PIK3R3: variants seen among roughly 807,000 people sequenced by gnomAD.
The protein encoded by PIK3R3 is phosphatidylinositol 3-kinase regulatory subunit gamma.
PIK3R3 carries 64 observed loss-of-function variants against 62.9 expected under a neutral mutation model. The observed-to-expected ratio is 1.02, with a 90% CI of 0.83 to 1.25. PIK3R3 has a LOEUF of 1.25. Ranked by LOEUF, PIK3R3 falls within the 50% of genes most tolerant of loss-of-function variation. The probability of loss-of-function intolerance (pLI) is 0.00; values close to 1 mark genes in which losing one functional copy is unlikely to be tolerated. For synonymous variants in PIK3R3, 165 were observed against 189.0 expected (o/e 0.87, Z 1.04); for missense variants, 614 against 561.6 (o/e 1.09, Z -0.94).
Position 46,042,342 on chromosome 1 carries a change from CA to C in PIK3R3, c.*1330del. ...TTAATGGCAGGATCACAAAAAAAGG[CA>C]AAGAGAAAAGCTTCCAGATGGCTTC... On this transcript the variant is annotated 3_prime_UTR_variant, in exon 10 of 10. Coordinates refer to ENST00000262741, the MANE Select transcript of PIK3R3 (RefSeq NM_003629.4). This position sits in a 1 kb window ranked among gnomAD's most constrained non-coding sequence, Gnocchi z 4.3. 1 of 228,066 alleles carries C rather than the reference CA, an allele frequency of 4.4e-6. No individual in the cohort carries two copies. Among genetic ancestry groups the C allele is most frequent in the Non-Finnish European group, 8.7e-6 (1 of 114,816 alleles). The allele number at this position is 228,066 out of a possible 1,614,324, so 14.1% of individuals were successfully genotyped here.
At chr1:46,046,752 C>T (rs1647127744) in intron 7 of PIK3R3, 127 bp from the exon 8 acceptor site, 1 of 624,290 alleles carries the variant, frequency 1.6e-6, no homozygotes, top group Non-Finnish European at 2.8e-6. Flanking sequence ...ACAGAATGGG[C>T]AAAGATTTCC....
intron 3 of PIK3R3, among the ~76,000 whole-genome samples, chr1:46,071,757 A>AGG (rs1649552614): frequency 1.6e-5 from 2 of 128,262 alleles, no homozygotes; most frequent in South Asian, 5.1e-4. Flanking sequence ...AGAGAGAGAG[A>AGG]GAGCGCGCGC....
At chr1:46,097,022 C>G (rs1557605843) in intron 1 of PIK3R3, among the ~76,000 whole-genome samples, 1 of 150,924 alleles carries the variant, frequency 6.6e-6, no homozygotes, top group Non-Finnish European at 1.5e-5. Flanking sequence ...AACTACAGGC[C>G]AATATCCTTT....
the PIK3R3 span, among the ~76,000 whole-genome samples, chr1:46,158,825 C>T: frequency 2.0e-5 from 3 of 152,170 alleles, no homozygotes; most frequent in Admixed American, 6.5e-5. Context: ...CAGTGGCTAA[C>T]GCCTGTAATC....
chr1:46,106,929 C>G (rs1653263465), intron 1 of PIK3R3, among the ~76,000 whole-genome samples: 1 of 152,116 alleles, frequency 6.6e-6, no homozygotes, highest in Non-Finnish European at 1.5e-5. Flanking sequence ...GCACGTGCAA[C>G]CACGCCTGGC....
At chr1:46,088,253 A>G (rs1651279307) in intron 1 of PIK3R3, among the ~76,000 whole-genome samples, 1 of 152,132 alleles carries the variant, frequency 6.6e-6, no homozygotes, top group African/African-American at 2.4e-5. Context: ...AAAGAAACAG[A>G]TAAAATGGTT....
At chr1:46,148,398 G>T in the PIK3R3 span, among the ~76,000 whole-genome samples, 1 of 152,196 alleles carries the variant, frequency 6.6e-6, no homozygotes, top group Non-Finnish European at 1.5e-5. Context: ...GAGGTCACAA[G>T]GATCCTGTCA....
At chr1:46,093,132 A>C (rs1446735222) in intron 1 of PIK3R3, among the ~76,000 whole-genome samples, 2 of 152,200 alleles carry the variant, frequency 1.3e-5, no homozygotes, top group Admixed American at 6.5e-5. Context: ...ATGTAGAACC[A>C]AAAACGGCAA....
chr1:46,045,722 C>T (rs770949426), intron 9 of PIK3R3, among the ~76,000 whole-genome samples, 196 bp downstream of exon 9: 31 of 141,878 alleles, frequency 2.2e-4, no homozygotes, highest in African/African-American at 7.3e-4. Context: ...CTACTTACCA[C>T]GTAAATTAAA....
chr1:46,088,394 G>C (rs1011175447), intron 1 of PIK3R3, among the ~76,000 whole-genome samples: 2 of 151,808 alleles, frequency 1.3e-5, no homozygotes, highest in African/African-American at 4.8e-5. Context: ...GAGAATTAAA[G>C]GGAAAAAAAA....
At chr1:46,104,238 T>C (rs1652977877) in intron 1 of PIK3R3, among the ~76,000 whole-genome samples, 1 of 152,210 alleles carries the variant, frequency 6.6e-6, no homozygotes, top group South Asian at 2.1e-4. Context: ...ATGAAGTTTT[T>C]TAAAACTGCA....
At position 46,055,843 on chromosome 1, in the gene PIK3R3, A is replaced by G; in HGVS notation, c.893T>C (p.Ile298Thr). The part of the protein sequence containing the change: ...NREIDKKMNS[I>T]KPDLIQLRKI... ...TCGCAGCTGGATCAGGTCAGGTTTG[A>G]TGCTATTCATTTTTTTATCTATTTC... The change falls in exon 7 of 10, where the codon ATC becomes ACC. Residue 298 changes from isoleucine to threonine, a missense_variant. By Grantham distance (89) the Ile-to-Thr change is moderately conservative. Coordinates refer to ENST00000262741, the MANE Select transcript of PIK3R3 (RefSeq NM_003629.4). 1 of 1,608,718 alleles carries G rather than the reference A, an allele frequency of 6.2e-7. No homozygotes were observed. Among genetic ancestry groups the G allele is most frequent in the Non-Finnish European group, 8.5e-7 (1 of 1,177,412 alleles).
At chr1:46,052,222 G>A (rs996605922) in intron 7 of PIK3R3, among the ~76,000 whole-genome samples, 2 of 152,082 alleles carry the variant, frequency 1.3e-5, no homozygotes, top group Non-Finnish European at 2.9e-5. Context: ...ATGTGAATGT[G>A]GTCTCTCAAA....
chr1:46,080,865 T>C, intron 1 of PIK3R3, 115 bp from the exon 2 acceptor site: 1 of 658,228 alleles, frequency 1.5e-6, no homozygotes, highest in South Asian at 2.1e-5. Flanking sequence ...ATCAATCAAA[T>C]TGAGTATTAT....
chr1:46,142,068 C>T, the PIK3R3 span, among the ~76,000 whole-genome samples: 4 of 152,170 alleles, frequency 2.6e-5, no homozygotes, highest in African/African-American at 9.7e-5. Flanking sequence ...CATAATACTC[C>T]CTTCCTGTAT....
intron 1 of PIK3R3, among the ~76,000 whole-genome samples, chr1:46,097,188 A>G (rs1474947065): frequency 6.6e-6 from 1 of 152,210 alleles, no homozygotes; most frequent in South Asian, 2.1e-4. Flanking sequence ...CACTGTATTA[A>G]CAGAATAAAG....
At chr1:46,060,304 T>C (rs1017412574) in intron 6 of PIK3R3, among the ~76,000 whole-genome samples, 2 of 151,996 alleles carry the variant, frequency 1.3e-5, no homozygotes, top group Non-Finnish European at 2.9e-5. Context: ...CCTGGCCAAT[T>C]TGGCAAAACC....
the PIK3R3 span, among the ~76,000 whole-genome samples, chr1:46,157,679 T>G: frequency 1.2e-4 from 19 of 152,296 alleles, no homozygotes; most frequent in African/African-American, 4.6e-4. Context: ...GGAGGAAAGC[T>G]TAGAGTCAGC....
intron 7 of PIK3R3, among the ~76,000 whole-genome samples, chr1:46,051,025 C>T (rs962884647): frequency 7.2e-5 from 11 of 151,912 alleles, no homozygotes; most frequent in African/African-American, 2.7e-4. Flanking sequence ...AGTGGATTAG[C>T]GGTTGTTTAG....
Sources: gnomAD v4.1 joint callset for allele counts (sites outside exome capture counted in the v4.1 genomes callset) on GRCh38, gnomAD v4.1.1 for gene constraint, Gnocchi (gnomAD v3.1) non-coding constraint, MANE v1.5 for transcripts, NCBI Gene and HGNC (gene_info 2026-07-23, HGNC 2026-07-21) for gene names.